CHD7: variants seen among roughly 807,000 people sequenced by gnomAD.
The protein encoded by CHD7 is chromodomain helicase DNA binding protein 7.
A neutral mutation model predicts 307.3 loss-of-function variants in CHD7; 24 were observed. The ratio of observed to expected loss-of-function variants is 0.08; its 90% CI spans 0.06 to 0.11. The LOEUF (loss-of-function observed/expected upper bound fraction) is 0.11, where lower values mean the gene tolerates loss of function less well. Among genes scored for constraint, CHD7 ranks in the 10% least tolerant of loss-of-function variants. CHD7 has a pLI of 1.00. For missense variants in CHD7, 3,106 were observed against 3,727.1 expected, an observed-to-expected ratio of 0.83 and a Z score of 4.34; for synonymous variants, 1,363 against 1,349.9, an observed-to-expected ratio of 1.01 and a Z score of -0.21.
Position 60,696,843 on chromosome 8 carries a change from G to GT in CHD7, c.-175+17773dup, listed in dbSNP as rs577163954. On this transcript the variant is annotated intron_variant, in intron 1 of 37. Transcript: ENST00000423902. ...GAAACAATACTTTCAAATTTTGCAT[G>GT]TTTTTTTTTTTTCTTTTCTAGATTG... 2.7e-3 allele frequency among the ~76,000 whole-genome samples: 372 copies of GT among 137,912 alleles called. 1 individual carries two copies. Among genetic ancestry groups the GT allele is most frequent in the East Asian group, 0.011 (50 of 4,746 alleles). 90.5% of individuals were successfully genotyped at this position (137,912 alleles called of 152,430 possible). A position where few individuals can be genotyped will look rare whatever the true frequency, so the allele number is the denominator to read the frequency against.
intron 1 of CHD7, among the ~76,000 whole-genome samples, chr8:60,714,220 C>A (rs1197616423): frequency 1.3e-5 from 2 of 151,982 alleles, no homozygotes; most frequent in Admixed American, 6.5e-5. Context: ...CAGGGCGGAG[C>A]GGGGTCATCG....
At chr8:60,811,216 C>T (rs1586369291) in intron 7 of CHD7, among the ~76,000 whole-genome samples, 1 of 152,144 alleles carries the variant, frequency 6.6e-6, no homozygotes, top group East Asian at 1.9e-4. Flanking sequence ...CCCTTTTAGC[C>T]CCCGCTTGTT....
intron 1 of CHD7, among the ~76,000 whole-genome samples, chr8:60,730,274 G>A (rs62524944): frequency 0.018 from 2,770 of 152,298 alleles, 52 homozygotes; most frequent in South Asian, 0.058. Context: ...GTTTGGGGTT[G>A]AACCTTTGTT....
Position 60,848,593 on chromosome 8 carries a change from T to C in CHD7, c.5289T>C (p.Gly1763=). 6.2e-7 allele frequency: 1 copy of C among 1,613,116 alleles called. No homozygotes were observed. Among genetic ancestry groups the C allele is most frequent in the Non-Finnish European group, 8.5e-7 (1 of 1,179,418 alleles). Residue 1763 remains glycine, a synonymous_variant, in exon 24 of 38, where the codon GGT becomes GGC. Coordinates refer to ENST00000423902, the MANE Select transcript of CHD7 (RefSeq NM_017780.4). ...ACCAGGCGGATAAGATCTTAGAGGG[T>C]GCTGACTCAAGGTTAGTGCGAGCTC... ...IGDQADKILE[G]ADSSEADVWI...
chr8:60,743,634 C>G (rs1397529130), intron 2 of CHD7, among the ~76,000 whole-genome samples: 1 of 152,208 alleles, frequency 6.6e-6, no homozygotes, highest in African/African-American at 2.4e-5. Context: ...TGTAGAAAAT[C>G]ACAGTAAATG....
At chr8:60,686,156 G>A (rs1274734058) in intron 1 of CHD7, among the ~76,000 whole-genome samples, 2 of 152,148 alleles carry the variant, frequency 1.3e-5, no homozygotes, top group African/African-American at 4.8e-5. Context: ...CATGCTTCAT[G>A]TGAAAGTTTA....
intron 1 of CHD7, among the ~76,000 whole-genome samples, chr8:60,681,817 C>A (rs1332501534): frequency 6.6e-6 from 1 of 152,060 alleles, no homozygotes; most frequent in Non-Finnish European, 1.5e-5. Flanking sequence ...CTGTTCGAGT[C>A]ACTAAATTGA....
intron 2 of CHD7, among the ~76,000 whole-genome samples, chr8:60,747,287 A>T (rs980410464): frequency 6.6e-6 from 1 of 151,974 alleles, no homozygotes. Flanking sequence ...CATGTTGGCC[A>T]GGCTGGTCTC....
chr8:60,781,033 G>C lies in CHD7; in HGVS notation c.1699G>C (p.Val567Leu), dbSNP rs1811195627. The stretch of plus-strand genomic sequence containing the variant: ...GTCGGAGCCCTTTCTAGAGAAACCA[G>C]TGCCGGATATGACTCAGGTTAGTGG... ...SPSEPFLEKP[V>L]PDMTQVSGPN... is the part of the protein sequence containing the mutation. Residue 567 changes from valine to leucine, a missense_variant, in exon 3 of 38, where the codon GTG becomes CTG. Physicochemically the swap from Val to Leu is conservative, Grantham distance 32 (BLOSUM62 1). Coordinates refer to ENST00000423902, the MANE Select transcript of CHD7 (RefSeq NM_017780.4). The C allele has an allele frequency of 6.3e-7, 1 of 1,589,634 alleles. No individual in the cohort carries two copies. The highest frequency in any genetic ancestry group is 1.4e-5 in the African/African-American group (1 of 73,500).
At chr8:60,836,470 G>A (rs1429851021) in intron 16 of CHD7, among the ~76,000 whole-genome samples, 187 bp downstream of exon 16, 1 of 152,192 alleles carries the variant, frequency 6.6e-6, no homozygotes, top group Non-Finnish European at 1.5e-5. Context: ...GGAGGACACT[G>A]CATACTTTTT....
At chr8:60,837,990 C>A (rs899278128) in intron 18 of CHD7, 86 bp from the exon 19 acceptor site, 2 of 1,289,902 alleles carry the variant, frequency 1.6e-6, no homozygotes, top group African/African-American at 3.0e-5. Flanking sequence ...GGTTTACTCT[C>A]TTTGAGAAAA....
chr8:60,848,710 TCTC>T, intron 24 of CHD7, 106 bp downstream of exon 24: 1 of 864,284 alleles, frequency 1.2e-6, no homozygotes, highest in East Asian at 2.6e-5. Flanking sequence ...TAGTAACCCA[TCTC>T]CTTTTTTGCA....
Position 60,822,127 on chromosome 8 carries a change from T to A in CHD7, c.2939T>A (p.Leu980His). The A allele has an allele frequency of 6.2e-7, 1 of 1,613,630 alleles. No homozygotes were observed. Reference sequence around the variant, plus strand: ...CAGTTGGAGGGAGTAAACTGGCTACTTTTCAATTGGTACAACATGTATGTA... The same window carrying A: ...CAGTTGGAGGGAGTAAACTGGCTACATTTCAATTGGTACAACATGTATGTA... ...EYQLEGVNWL[L>H]FNWYNMRNCI... Residue 980 changes from leucine (L) to histidine (H), a missense_variant, in exon 11 of 38, where the codon CTT becomes CAT. Physicochemically the swap from Leu to His is moderately conservative, Grantham distance 99. Coordinates refer to ENST00000423902, the MANE Select transcript of CHD7 (RefSeq NM_017780.4).
In CHD7 at chr8:60,742,172, C is replaced by G. The variant is rs749888914; in HGVS notation, c.740C>G (p.Pro247Arg). ...CCCCAGCAGAGTCCCAGCATGGCAC[C>G]TTCCTTGCGTCACTCGGTGCAGCAG... The part of the protein sequence containing the change: ...HVPQQSPSMA[P>R]SLRHSVQQFH... Residue 247 changes from proline to arginine, a missense_variant, in exon 2 of 38, where the codon CCT (proline) becomes CGT (arginine). By Grantham distance (103) the Pro-to-Arg change is moderately radical. This residue lies in a region of CHD7 where 998 missense variants were observed against 1,004.5 expected (regional missense o/e 0.99). Coordinates refer to ENST00000423902, the MANE Select transcript of CHD7 (RefSeq NM_017780.4). The G allele has an allele frequency of 3.7e-6, 6 of 1,613,952 alleles. No individual in the cohort carries two copies. Among genetic ancestry groups the G allele is most frequent in the Non-Finnish European group, 5.1e-6 (6 of 1,179,876 alleles).
chr8:60,778,186 C>T (rs553771307), intron 2 of CHD7, among the ~76,000 whole-genome samples: 1 of 152,202 alleles, frequency 6.6e-6, no homozygotes, highest in East Asian at 1.9e-4. Flanking sequence ...ATGATTAAGG[C>T]AGGCCATCTG....
At chr8:60,819,068 C>T (rs536065685) in intron 8 of CHD7, among the ~76,000 whole-genome samples, 1 of 152,294 alleles carries the variant, frequency 6.6e-6, no homozygotes, top group African/African-American at 2.4e-5. Context: ...ATTCTCCTGC[C>T]TCAGCCTACC....
chr8:60,801,652 T>A (rs1452635505), intron 6 of CHD7, 59 bp downstream of exon 6: 1 of 1,084,466 alleles, frequency 9.2e-7, no homozygotes, highest in East Asian at 2.6e-5. Flanking sequence ...ACAGGATTGT[T>A]GGCTTTGTAA....
In CHD7 at chr8:60,718,855, A is replaced by G. The variant is rs567049596; in HGVS notation, c.-174-22404A>G. Among the ~76,000 whole-genome samples, 205 of 152,344 alleles carry G rather than the reference A, an allele frequency of 1.3e-3. 2 individuals carry two copies. The highest frequency in any genetic ancestry group is 3.4e-3 in the Middle Eastern group (1 of 294). ...AAGCTCCATTCATGGTAAGTGCCCT[A>G]TGCAAGTGTATCATTTTTAATCTTT... On this transcript the variant is annotated intron_variant, in intron 1 of 37. Coordinates refer to ENST00000423902, the MANE Select transcript of CHD7 (RefSeq NM_017780.4).
intron 2 of CHD7, among the ~76,000 whole-genome samples, chr8:60,758,053 A>G (rs1809981862): frequency 6.6e-6 from 1 of 152,266 alleles, no homozygotes; most frequent in African/African-American, 2.4e-5. Flanking sequence ...AATGAAAACT[A>G]GGAAATTTAA....
Sources: allele counts gnomAD v4.1 joint callset (sites outside exome capture counted in the v4.1 genomes callset), GRCh38; gene constraint gnomAD v4.1.1; regional missense constraint gnomAD v4.1.1; transcripts MANE v1.5; gene names NCBI Gene and HGNC (gene_info 2026-07-23, HGNC 2026-07-21).